Variants in FOXN3 observed in about 807,000 individuals in gnomAD.
FOXN3 encodes forkhead box N3, also known as forkhead box protein N3.
A neutral mutation model predicts 38.4 loss-of-function variants in FOXN3; 7 were observed. That is an observed-to-expected ratio of 0.18 (90% CI 0.10 to 0.34). The LOEUF (loss-of-function observed/expected upper bound fraction) is 0.34. Ranked by LOEUF, FOXN3 falls within the 10% of genes least tolerant of loss-of-function variation. The pLI is 1.00. For synonymous variants in FOXN3, 230 were observed against 242.2 expected (o/e 0.95, Z 0.47); for missense variants, 456 against 613.4 (o/e 0.74, Z 2.71).
rs571996136 is a variant in FOXN3 at position 89,194,298 on chromosome 14, T to C, written c.746-13492A>G. 1.3e-3 allele frequency among the ~76,000 whole-genome samples: 197 copies of C among 152,350 alleles called. 1 individual carries two copies. Among genetic ancestry groups the C allele is most frequent in the African/African-American group, 4.5e-3 (189 of 41,568 alleles). On this transcript the variant is annotated intron_variant, in intron 4 of 5. Coordinates refer to ENST00000557258, the MANE Select transcript of FOXN3 (RefSeq NM_005197.4). The stretch of plus-strand genomic sequence containing the variant: ...AAGTGTCATCTTTTATGTTTTCATT[T>C]GTGAGTGTACTAGATATAACACTTT...
chr14:89,277,282 C>T (rs1050893327), intron 4 of FOXN3, among the ~76,000 whole-genome samples: 2 of 152,180 alleles, frequency 1.3e-5, no homozygotes, highest in Non-Finnish European at 2.9e-5. Context: ...GTGGGGACAC[C>T]TGTCAGCTGG....
chr14:89,530,546 C>T (rs539980787), intron 1 of FOXN3, among the ~76,000 whole-genome samples: 108 of 152,242 alleles, frequency 7.1e-4, no homozygotes, highest in Non-Finnish European at 1.2e-3. Flanking sequence ...TGGGTAGGGA[C>T]ACAGCCAAAC....
intron 5 of FOXN3, among the ~76,000 whole-genome samples, chr14:89,176,400 G>A (rs1043869143): frequency 1.8e-4 from 27 of 152,290 alleles, no homozygotes; most frequent in Admixed American, 1.5e-3. Flanking sequence ...TTTCACTTAA[G>A]GAGAAGTCGC....
chr14:89,187,355 G>A (rs1413299593), intron 4 of FOXN3, among the ~76,000 whole-genome samples: 2 of 152,188 alleles, frequency 1.3e-5, no homozygotes, highest in African/African-American at 4.8e-5. Context: ...GTTGCTCTCC[G>A]AAGCCACACT....
At chr14:89,483,232 A>T (rs1893376756) in intron 1 of FOXN3, among the ~76,000 whole-genome samples, 1 of 152,150 alleles carries the variant, frequency 6.6e-6, no homozygotes, top group Non-Finnish European at 1.5e-5. Context: ...ATGGGTGTAC[A>T]TTCTCAACTC....
chr14:89,561,988 T>C (rs565253454), intron 1 of FOXN3, among the ~76,000 whole-genome samples: 3 of 152,300 alleles, frequency 2.0e-5, no homozygotes, highest in African/African-American at 2.4e-5. Context: ...AAAAGAAATA[T>C]ATTAGCTCCC....
intron 5 of FOXN3, among the ~76,000 whole-genome samples, chr14:89,176,065 T>C (rs893038846): frequency 1.3e-5 from 2 of 152,210 alleles, no homozygotes; most frequent in Non-Finnish European, 2.9e-5. Flanking sequence ...TGAGTAGTTA[T>C]TTTGAGGATG....
chr14:89,357,859 C>T (rs1027642125), intron 2 of FOXN3, among the ~76,000 whole-genome samples: 6 of 152,146 alleles, frequency 3.9e-5, no homozygotes, highest in East Asian at 1.9e-4. Flanking sequence ...TTATGCAACG[C>T]GCGACTGTAT....
chr14:89,340,287 C>T (rs1045988334), intron 3 of FOXN3, among the ~76,000 whole-genome samples: 19 of 152,140 alleles, frequency 1.2e-4, no homozygotes, highest in Non-Finnish European at 2.5e-4. Context: ...CATAAACAGA[C>T]TTTGACCAAA....
intron 4 of FOXN3, among the ~76,000 whole-genome samples, chr14:89,228,447 T>A (rs1729043482): frequency 6.6e-6 from 1 of 152,224 alleles, no homozygotes; most frequent in Admixed American, 6.5e-5. Flanking sequence ...TGGCTAAGAA[T>A]GGCTTGCTGG....
intron 1 of FOXN3, among the ~76,000 whole-genome samples, chr14:89,524,967 C>G (rs551125762): frequency 6.6e-6 from 1 of 152,224 alleles, no homozygotes; most frequent in Admixed American, 6.5e-5. Context: ...CATAGTTAGG[C>G]AGGAATATCA....
At chr14:89,307,729 T>C (rs1054147655) in intron 3 of FOXN3, among the ~76,000 whole-genome samples, 1 of 152,192 alleles carries the variant, frequency 6.6e-6, no homozygotes, top group African/African-American at 2.4e-5. Flanking sequence ...TGCATAACCA[T>C]GGTGAGAGGA....
At chr14:89,533,540 G>T (rs1894618260) in intron 1 of FOXN3, among the ~76,000 whole-genome samples, 1 of 152,024 alleles carries the variant, frequency 6.6e-6, no homozygotes, top group South Asian at 2.1e-4. Context: ...GCGGGGGCCT[G>T]TAGCCCGGCC....
chr14:89,204,226 T>C (rs1234502261), intron 4 of FOXN3, among the ~76,000 whole-genome samples: 1 of 152,106 alleles, frequency 6.6e-6, no homozygotes, highest in Non-Finnish European at 1.5e-5. Flanking sequence ...TTGGGATACT[T>C]ATTCTGGCTT....
rs189137778 is a variant in FOXN3 at position 89,458,858 on chromosome 14, A to G, written c.-14-46368T>C. Among the ~76,000 whole-genome samples the G allele has an allele frequency of 4.9e-3, 746 of 152,324 alleles. 5 individuals carry two copies. The highest frequency in any genetic ancestry group is 8.6e-3 in the Non-Finnish European group (584 of 68,016). On this transcript the variant is annotated intron_variant, in intron 1 of 6. Transcript: ENST00000345097. ...CAGAGAAGATAAAGCCCTTAAATAAAGATTCACCACGCTCAGTCCAGCTCC... is the reference window on the plus strand; with the variant it reads ...CAGAGAAGATAAAGCCCTTAAATAAGGATTCACCACGCTCAGTCCAGCTCC...
At chr14:89,308,801 G>A (rs370654251) in intron 3 of FOXN3, among the ~76,000 whole-genome samples, 2 of 152,346 alleles carry the variant, frequency 1.3e-5, no homozygotes, top group East Asian at 1.9e-4. Context: ...GCTGTGGCCT[G>A]AGCAGATGTA....
chr14:89,387,431 A>G (rs971973801), intron 2 of FOXN3, among the ~76,000 whole-genome samples: 4 of 152,198 alleles, frequency 2.6e-5, no homozygotes, highest in African/African-American at 9.7e-5. Flanking sequence ...TGAGAAAGGC[A>G]TTATCCTCTC....
chr14:89,443,617 A>C (rs1892432392), intron 1 of FOXN3, among the ~76,000 whole-genome samples: 2 of 152,216 alleles, frequency 1.3e-5, no homozygotes, highest in African/African-American at 4.8e-5. Context: ...ACAAAAGCTC[A>C]AAGTGAGGAA....
At chr14:89,279,327 G>A (rs1230896952) in intron 4 of FOXN3, among the ~76,000 whole-genome samples, 2 of 152,170 alleles carry the variant, frequency 1.3e-5, no homozygotes, top group South Asian at 2.1e-4. Flanking sequence ...ATCTCATACT[G>A]ACATCTCTCA....
Sources: allele counts gnomAD v4.1 joint callset (sites outside exome capture counted in the v4.1 genomes callset), GRCh38; gene constraint gnomAD v4.1.1; transcripts MANE v1.5; gene names NCBI Gene and HGNC (gene_info 2026-07-23, HGNC 2026-07-21).